PTPRM: variants seen among roughly 807,000 people sequenced by gnomAD.
PTPRM encodes receptor-type tyrosine-protein phosphatase mu.
A neutral mutation model predicts 186.7 loss-of-function variants in PTPRM; 47 were observed. The ratio of observed to expected loss-of-function variants is 0.25; its 90% CI spans 0.20 to 0.32. PTPRM has a LOEUF of 0.32. Among genes scored for constraint, PTPRM ranks in the 10% least tolerant of loss-of-function variants. PTPRM has a pLI of 1.00. For missense variants in PTPRM, 1,494 were observed against 1,865.0 expected (o/e 0.80, Z 3.66); for synonymous variants, 668 against 674.9 (o/e 0.99, Z 0.16).
chr18:8,248,555 A>C (rs1568599793), intron 17 of PTPRM, among the ~76,000 whole-genome samples: 1 of 152,208 alleles, frequency 6.6e-6, no homozygotes, highest in African/African-American at 2.4e-5. Flanking sequence ...ATAGTCATAA[A>C]AGTGAAAATA....
chr18:8,126,635 C>T (rs2092371498), intron 13 of PTPRM, among the ~76,000 whole-genome samples: 1 of 152,102 alleles, frequency 6.6e-6, no homozygotes, highest in African/African-American at 2.4e-5. Context: ...TTCAGTAAAC[C>T]GTGGCAGAGC....
intron 2 of PTPRM, among the ~76,000 whole-genome samples, chr18:7,829,910 G>A (rs1430302682): frequency 6.6e-6 from 1 of 151,824 alleles, no homozygotes; most frequent in Non-Finnish European, 1.5e-5. Context: ...CAATGTTTGA[G>A]TATTGATTAT....
chr18:8,125,203 C>G (rs1441173584), intron 13 of PTPRM, among the ~76,000 whole-genome samples: 1 of 62,424 alleles, frequency 1.6e-5, no homozygotes, highest in East Asian at 5.5e-4. Flanking sequence ...GAGTGAGACT[C>G]TGTCTCAAAA....
chr18:8,299,693 G>T (rs902976865), intron 20 of PTPRM, among the ~76,000 whole-genome samples: 12 of 152,200 alleles, frequency 7.9e-5, no homozygotes, highest in African/African-American at 2.9e-4. Flanking sequence ...AAAGGGTCCA[G>T]TAGTAAATGT....
At chr18:7,738,553 A>C (rs1294811707) in intron 1 of PTPRM, among the ~76,000 whole-genome samples, 3 of 151,088 alleles carry the variant, frequency 2.0e-5, no homozygotes, top group Non-Finnish European at 4.4e-5. Flanking sequence ...CTCCTGCCTC[A>C]GCCTCCCGAG....
At chr18:7,836,305 T>C (rs1353024450) in intron 2 of PTPRM, among the ~76,000 whole-genome samples, 2 of 152,142 alleles carry the variant, frequency 1.3e-5, no homozygotes, top group African/African-American at 4.8e-5. Flanking sequence ...GCAAATACTA[T>C]TGTATAACTC....
intron 1 of PTPRM, among the ~76,000 whole-genome samples, chr18:7,687,050 A>AT (rs1399276348): frequency 1.3e-5 from 2 of 152,154 alleles, no homozygotes; most frequent in Admixed American, 6.5e-5. Context: ...ATTCAAAATG[A>AT]TTTTTTCTAG....
At chr18:7,607,590 T>G (rs769839865) in intron 1 of PTPRM, among the ~76,000 whole-genome samples, 11 of 152,210 alleles carry the variant, frequency 7.2e-5, no homozygotes, top group Non-Finnish European at 1.6e-4. Flanking sequence ...GTTAAATAAA[T>G]TAAGCAGTTG....
chr18:8,376,346 C>T, intron 25 of PTPRM, 116 bp from the exon 26 acceptor site: 1 of 1,551,382 alleles, frequency 6.4e-7, no homozygotes. Context: ...CTGGAGTGTA[C>T]CTTTTAAGAG....
chr18:8,339,962 C>G (rs2095464644), intron 22 of PTPRM, among the ~76,000 whole-genome samples: 1 of 152,018 alleles, frequency 6.6e-6, no homozygotes, highest in African/African-American at 2.4e-5. Context: ...TATTTGGGCA[C>G]CTTCCCTATT....
intron 1 of PTPRM, among the ~76,000 whole-genome samples, chr18:7,737,062 C>T (rs2040786055): frequency 6.6e-6 from 1 of 152,198 alleles, no homozygotes; most frequent in Non-Finnish European, 1.5e-5. Flanking sequence ...CCTTGGCCTC[C>T]CAAAGTGCTG....
intron 2 of PTPRM, among the ~76,000 whole-genome samples, chr18:7,792,485 C>T (rs1004481342): frequency 6.6e-6 from 1 of 152,114 alleles, no homozygotes; most frequent in African/African-American, 2.4e-5. Flanking sequence ...CCTCTGAAAA[C>T]ATCTGCTTAA....
intron 9 of PTPRM, among the ~76,000 whole-genome samples, chr18:8,081,303 T>C (rs762100438): frequency 6.6e-6 from 1 of 152,176 alleles, no homozygotes; most frequent in Non-Finnish European, 1.5e-5. Context: ...CACCCAAATC[T>C]AACCCTCACA....
intron 22 of PTPRM, among the ~76,000 whole-genome samples, chr18:8,320,479 C>T (rs578126002): frequency 2.0e-4 from 30 of 152,210 alleles, no homozygotes; most frequent in African/African-American, 5.8e-4. Context: ...CTGCACTGTC[C>T]GATATCATAG....
chr18:8,221,688 G>A lies in PTPRM; in HGVS notation c.2301-22370G>A, dbSNP rs541801178. On this transcript the variant is annotated intron_variant, in intron 14 of 32. Coordinates refer to ENST00000580170, the MANE Select transcript of PTPRM (RefSeq NM_001105244.2). ...CTGGTGCTGAGTTTGTCTGGGGCTC[G>A]GCTATTGTTACAGAAGCACACTCCT... 2.0e-5 allele frequency among the ~76,000 whole-genome samples: 3 copies of A among 152,296 alleles called. No homozygotes were observed. The South Asian group carries it at 6.2e-4, about 32-fold the overall frequency.
chr18:8,391,717 T>G (rs2095814065), intron 31 of PTPRM, among the ~76,000 whole-genome samples: 1 of 152,216 alleles, frequency 6.6e-6, no homozygotes, highest in Admixed American at 6.5e-5. Context: ...CTTACGGTCT[T>G]TATTGTAGGT....
intron 4 of PTPRM, among the ~76,000 whole-genome samples, chr18:7,914,086 G>A (rs185574582): frequency 2.0e-5 from 3 of 152,200 alleles, no homozygotes; most frequent in Admixed American, 2.0e-4. Context: ...TTATTAAATA[G>A]TGTGATTGAA....
chr18:7,823,252 C>T (rs924308953), intron 2 of PTPRM, among the ~76,000 whole-genome samples: 1 of 152,154 alleles, frequency 6.6e-6, no homozygotes, highest in Non-Finnish European at 1.5e-5. Context: ...TGTGGTGTTT[C>T]CCTGGGTGAA....
chr18:7,640,731 G>A (rs2038424370), intron 1 of PTPRM, among the ~76,000 whole-genome samples: 1 of 152,106 alleles, frequency 6.6e-6, no homozygotes, highest in African/African-American at 2.4e-5. Context: ...GCTGGAATCT[G>A]GCCTTTAGAT....
Sources: allele counts gnomAD v4.1 joint callset (sites outside exome capture counted in the v4.1 genomes callset), GRCh38; gene constraint gnomAD v4.1.1; transcripts MANE v1.5; gene names NCBI Gene and HGNC (gene_info 2026-07-23, HGNC 2026-07-21).